Variants in FSTL5 observed in about 807,000 individuals in gnomAD.
The protein encoded by FSTL5 is follistatin like 5, also known as follistatin-related protein 5.
In FSTL5, 62 loss-of-function variants were observed where a neutral mutation model predicts 89.1. The observed-to-expected ratio is 0.70, with a 90% CI of 0.57 to 0.86. FSTL5 has a LOEUF of 0.86. FSTL5 is among the 40% of genes least tolerant of loss of function. The pLI, the probability that FSTL5 is intolerant of heterozygous loss-of-function variation, is 0.00. For synonymous variants in FSTL5, 383 were observed against 346.2 expected, an observed-to-expected ratio of 1.11 and a Z score of -1.18; for missense variants, 1,057 against 1,001.6, an observed-to-expected ratio of 1.06 and a Z score of -0.75.
At chr4:161,837,963 A>G (rs1731097294) in intron 4 of FSTL5, among the ~76,000 whole-genome samples, 1 of 152,180 alleles carries the variant, frequency 6.6e-6, no homozygotes, top group Non-Finnish European at 1.5e-5. Flanking sequence ...AATGTTCACC[A>G]TTTGACTTAA....
chr4:161,661,990 G>GAA (rs1377843785), intron 6 of FSTL5, among the ~76,000 whole-genome samples: 1 of 152,114 alleles, frequency 6.6e-6, no homozygotes, highest in Non-Finnish European at 1.5e-5. Flanking sequence ...GATTACACCT[G>GAA]GAATTGCACA....
At chr4:161,406,410 C>A (rs533412672) in intron 15 of FSTL5, among the ~76,000 whole-genome samples, 6 of 152,020 alleles carry the variant, frequency 3.9e-5, no homozygotes, top group Admixed American at 1.3e-4. Context: ...TAAAATTTAT[C>A]GAGACTTGCT....
rs149623590 is a variant in FSTL5 at position 161,552,730 on chromosome 4, A to G, written c.1016-10037T>C. 6.6e-5 allele frequency among the ~76,000 whole-genome samples: 10 copies of G among 151,854 alleles called. No homozygotes were observed. The East Asian group carries it at 1.9e-3, about 30-fold the overall frequency. ...ATTGGTGTTAAATGATTTTCTGAAA[A>G]GTGTCTCTTAACTCACATAGAATTG... On this transcript the variant is annotated intron_variant, in intron 8 of 15. Transcript: ENST00000306100.
At chr4:161,977,501 T>C (rs1735682601) in intron 3 of FSTL5, among the ~76,000 whole-genome samples, 1 of 150,458 alleles carries the variant, frequency 6.6e-6, no homozygotes, top group Non-Finnish European at 1.5e-5. Context: ...TAGTCCCAGC[T>C]ACTCGGGAGG....
At chr4:161,491,839 CAA>C (rs11356806) in intron 12 of FSTL5, among the ~76,000 whole-genome samples, 32 of 122,750 alleles carry the variant, frequency 2.6e-4, no homozygotes, top group East Asian at 4.7e-4. Flanking sequence ...GACTCTGTCT[CAA>C]AAAAAAAAAA....
intron 7 of FSTL5, among the ~76,000 whole-genome samples, chr4:161,649,248 A>C (rs1293598431): frequency 6.6e-6 from 1 of 152,212 alleles, no homozygotes; most frequent in Non-Finnish European, 1.5e-5. Context: ...TCAATTTTAA[A>C]TTAGTATGCC....
At chr4:161,414,645 A>ATT (rs1731710695) in intron 15 of FSTL5, among the ~76,000 whole-genome samples, 1 of 151,944 alleles carries the variant, frequency 6.6e-6, no homozygotes, top group Non-Finnish European at 1.5e-5. Flanking sequence ...AGATGAATGT[A>ATT]TTTATCATTT....
At chr4:161,417,619 C>T (rs1392732495) in intron 15 of FSTL5, among the ~76,000 whole-genome samples, 1 of 152,190 alleles carries the variant, frequency 6.6e-6, no homozygotes, top group African/African-American at 2.4e-5. Context: ...GGCCAGGTTA[C>T]CTGCCTTCAA....
intron 6 of FSTL5, among the ~76,000 whole-genome samples, chr4:161,719,365 G>C (rs1739111673): frequency 6.6e-6 from 1 of 151,996 alleles, no homozygotes; most frequent in Admixed American, 6.5e-5. Context: ...GATTTTAATG[G>C]CATTTTTTGA....
intron 8 of FSTL5, among the ~76,000 whole-genome samples, chr4:161,584,986 C>T (rs115367161): frequency 0.021 from 3,153 of 152,226 alleles, 104 homozygotes; most frequent in African/African-American, 0.069. Flanking sequence ...TATTGAATTC[C>T]TCTTGATTAA....
intron 15 of FSTL5, among the ~76,000 whole-genome samples, chr4:161,402,135 C>T (rs1286742097): frequency 6.6e-6 from 1 of 152,100 alleles, no homozygotes; most frequent in Non-Finnish European, 1.5e-5. Context: ...ATCTAGCTAA[C>T]ACTTTTAATG....
At chr4:161,674,266 T>G (rs1311155535) in intron 6 of FSTL5, among the ~76,000 whole-genome samples, 1 of 151,972 alleles carries the variant, frequency 6.6e-6, no homozygotes. Context: ...AGAATTTACA[T>G]TGTAATTAAA....
intron 6 of FSTL5, among the ~76,000 whole-genome samples, chr4:161,693,597 T>G (rs1176384242): frequency 1.3e-5 from 2 of 151,912 alleles, no homozygotes; most frequent in Non-Finnish European, 2.9e-5. Flanking sequence ...ATTGTCTATT[T>G]TGTTGATAAA....
chr4:161,932,931 T>C lies in FSTL5; in HGVS notation c.161-12279A>G, dbSNP rs371052632. 4.7e-4 allele frequency among the ~76,000 whole-genome samples: 71 copies of C among 152,234 alleles called. No individual in the cohort carries two copies. The East Asian group carries it at 8.5e-3, about 18-fold the overall frequency. On this transcript the variant is annotated intron_variant, in intron 3 of 15. Transcript: ENST00000306100. ...CTAGCTTTTGGTCACATTCAAGCTA[T>C]TGATAAATTCTCTACAAGTTATAAA...
At chr4:161,420,177 C>T (rs1315411441) in intron 15 of FSTL5, among the ~76,000 whole-genome samples, 4 of 152,194 alleles carry the variant, frequency 2.6e-5, no homozygotes, top group African/African-American at 4.8e-5. Flanking sequence ...TATAGACTCT[C>T]CAGGAACCAA....
At chr4:161,756,337 G>A (rs931583521) in intron 6 of FSTL5, among the ~76,000 whole-genome samples, 7 of 151,840 alleles carry the variant, frequency 4.6e-5, no homozygotes, top group African/African-American at 1.7e-4. Context: ...TAAAAATGTA[G>A]ACCCTTTGTA....
At chr4:161,497,055 C>T (rs1011540365) in intron 12 of FSTL5, among the ~76,000 whole-genome samples, 4 of 152,020 alleles carry the variant, frequency 2.6e-5, no homozygotes, top group Non-Finnish European at 5.9e-5. Context: ...CTCTGAATTG[C>T]CATCTATCTT....
chr4:161,500,446 C>T (rs987198576), intron 11 of FSTL5, among the ~76,000 whole-genome samples: 2 of 151,940 alleles, frequency 1.3e-5, no homozygotes, highest in African/African-American at 4.8e-5. Flanking sequence ...GGATACCTTC[C>T]CCACTTAATG....
At chr4:161,845,150 C>G (rs1731328865) in intron 4 of FSTL5, among the ~76,000 whole-genome samples, 1 of 152,004 alleles carries the variant, frequency 6.6e-6, no homozygotes, top group African/African-American at 2.4e-5. Flanking sequence ...AATTGCATAC[C>G]CAAGAAACTT....
Sources: allele counts gnomAD v4.1 joint callset (sites outside exome capture counted in the v4.1 genomes callset), GRCh38; gene constraint gnomAD v4.1.1; transcripts MANE v1.5; gene names NCBI Gene and HGNC (gene_info 2026-07-23, HGNC 2026-07-21).